Variants in PARD3 observed in about 807,000 individuals in gnomAD.
PARD3 encodes partitioning defective 3 homolog.
PARD3 carries 75 observed loss-of-function variants against 155.4 expected under a neutral mutation model. The ratio of observed to expected loss-of-function variants is 0.48; its 90% CI spans 0.40 to 0.58. PARD3 has a LOEUF of 0.58. Among genes scored for constraint, PARD3 ranks in the 20% least tolerant of loss-of-function variants. The probability of loss-of-function intolerance (pLI) is 0.00; values close to 1 mark genes in which losing one functional copy is unlikely to be tolerated. For missense variants in PARD3, 1,642 were observed against 1,721.7 expected, an observed-to-expected ratio of 0.95 and a Z score of 0.82; for synonymous variants, 576 against 610.5, an observed-to-expected ratio of 0.94 and a Z score of 0.83.
intron 2 of PARD3, among the ~76,000 whole-genome samples, chr10:34,687,195 T>C (rs1010692041): frequency 8.5e-5 from 13 of 152,104 alleles, no homozygotes; most frequent in African/African-American, 3.1e-4. Context: ...AATATCAATA[T>C]AAAATGCCTA....
chr10:34,334,260 A>T (rs1169204377), intron 18 of PARD3, among the ~76,000 whole-genome samples: 1 of 150,892 alleles, frequency 6.6e-6, no homozygotes, highest in East Asian at 1.9e-4. Context: ...CAAGATTCCT[A>T]AATATGGAAA....
chr10:34,516,093 T>C (rs565268491), intron 3 of PARD3, among the ~76,000 whole-genome samples: 2 of 152,150 alleles, frequency 1.3e-5, no homozygotes, highest in East Asian at 1.9e-4. Context: ...GCCTCCCAAG[T>C]AGCTGGGATT....
At chr10:34,520,676 C>T (rs1309281139) in intron 2 of PARD3, among the ~76,000 whole-genome samples, 1 of 152,072 alleles carries the variant, frequency 6.6e-6, no homozygotes, top group Non-Finnish European at 1.5e-5. Flanking sequence ...AAAGAGCACC[C>T]ATAGACAATA....
At chr10:34,270,745 T>C (rs1246641659) in intron 21 of PARD3, among the ~76,000 whole-genome samples, 3 of 152,138 alleles carry the variant, frequency 2.0e-5, no homozygotes, top group Non-Finnish European at 4.4e-5. Context: ...ACTCTGTCAT[T>C]TCATGGGATG....
At chr10:34,261,979 G>A (rs1955051798) in intron 22 of PARD3, among the ~76,000 whole-genome samples, 3 of 152,184 alleles carry the variant, frequency 2.0e-5, no homozygotes, top group Admixed American at 2.0e-4. Flanking sequence ...TGACAGAAAT[G>A]ATAAATTATT....
At chr10:34,623,446 A>T (rs147066996) in intron 2 of PARD3, among the ~76,000 whole-genome samples, 81 of 152,360 alleles carry the variant, frequency 5.3e-4, no homozygotes, top group Non-Finnish European at 1.1e-3. Context: ...AGTTTTAAAT[A>T]ACTTAAATCT....
chr10:34,696,506 C>T lies in PARD3; in HGVS notation c.121-87G>A, dbSNP rs923454851. 9.6e-6 allele frequency: 8 copies of T among 830,584 alleles called. No homozygotes were observed. The East Asian group carries it at 1.7e-4, about 18-fold the overall frequency. 51.5% of individuals were successfully genotyped at this position (830,584 alleles called of 1,614,324 possible). A position where few individuals can be genotyped will look rare whatever the true frequency, so the allele number is the denominator to read the frequency against. On this transcript the variant is annotated intron_variant, in intron 1 of 24. Transcript: ENST00000374788. ...ATTTTAAACCGTGATAACTTCCTGCCCATAAAAAGGAATCAACCTCATATC... is the reference window on the plus strand; with the variant it reads ...ATTTTAAACCGTGATAACTTCCTGCTCATAAAAAGGAATCAACCTCATATC...
chr10:34,123,008 T>C (rs936461235), intron 23 of PARD3, among the ~76,000 whole-genome samples: 2 of 152,222 alleles, frequency 1.3e-5, no homozygotes, highest in African/African-American at 4.8e-5. Context: ...AACACCCACA[T>C]AGGGAAATAC....
chr10:34,560,239 T>C (rs560353846), intron 2 of PARD3, among the ~76,000 whole-genome samples: 1 of 152,344 alleles, frequency 6.6e-6, no homozygotes, highest in African/African-American at 2.4e-5. Flanking sequence ...CAGCTTCTAA[T>C]GTTACTTTAC....
rs573073278 is a variant in PARD3 at position 34,324,490 on chromosome 10, G to A, written c.2833+6627C>T. 3.9e-5 allele frequency among the ~76,000 whole-genome samples: 6 copies of A among 152,208 alleles called. No homozygotes were observed. The East Asian group carries it at 5.8e-4, about 15-fold the overall frequency. ...AGATACACCTCACGAAGTGTGCACC[G>A]CATGGCACAGGCAAGGGTAAGCACG... On this transcript the variant is annotated intron_variant, in intron 19 of 24. Coordinates refer to ENST00000374788, the MANE Select transcript of PARD3 (RefSeq NM_001184785.2).
At chr10:34,350,771 C>T (rs1412122869) in intron 14 of PARD3, among the ~76,000 whole-genome samples, 2 of 152,152 alleles carry the variant, frequency 1.3e-5, no homozygotes, top group Non-Finnish European at 2.9e-5. Context: ...ATACAGTCCC[C>T]TGTAGCAGTG....
chr10:34,257,505 A>G (rs1345688241), intron 22 of PARD3, among the ~76,000 whole-genome samples: 1 of 152,230 alleles, frequency 6.6e-6, no homozygotes, highest in Non-Finnish European at 1.5e-5. Flanking sequence ...AAGAAATCCC[A>G]GGCAGCTCCA....
chr10:34,225,716 T>C (rs1432440170), intron 22 of PARD3, among the ~76,000 whole-genome samples: 1 of 152,166 alleles, frequency 6.6e-6, no homozygotes, highest in African/African-American at 2.4e-5. Flanking sequence ...TCTTACCTCA[T>C]CTCATATACA....
At chr10:34,814,725 C>T (rs1456261691) in intron 1 of PARD3, 151 bp downstream of exon 1, 2 of 634,522 alleles carry the variant, frequency 3.2e-6, no homozygotes, top group Middle Eastern at 4.6e-4. Flanking sequence ...GCCCGCAGTC[C>T]GGGGCGGGGG....
intron 22 of PARD3, among the ~76,000 whole-genome samples, chr10:34,247,524 C>T (rs575386418): frequency 6.6e-6 from 1 of 152,060 alleles, no homozygotes; most frequent in East Asian, 1.9e-4. Context: ...AAACAAAAAA[C>T]ACAAAAACAG....
At chr10:34,583,593 G>C (rs1045600935) in intron 2 of PARD3, among the ~76,000 whole-genome samples, 1 of 151,976 alleles carries the variant, frequency 6.6e-6, no homozygotes, top group South Asian at 2.1e-4. Context: ...CTAAATTGAG[G>C]AAATGAGGCC....
intron 1 of PARD3, among the ~76,000 whole-genome samples, chr10:34,746,362 T>A (rs1835334681): frequency 1.3e-5 from 2 of 151,674 alleles, no homozygotes; most frequent in South Asian, 4.2e-4. Context: ...GGCGGGAGGA[T>A]TGCCTAAGCC....
rs545897117 is a variant in PARD3 at position 34,403,087 on chromosome 10, AAATGTTTTGCT to A, written c.715-1181_715-1171del. Among the ~76,000 whole-genome samples, 4 of 152,334 alleles carry A rather than the reference AAATGTTTTGCT, an allele frequency of 2.6e-5. No homozygotes were observed. The South Asian group carries it at 8.3e-4, about 32-fold the overall frequency. ...CTTTGGCACCTACTAGAAGCTCTGT[AAATGTTTTGCT>A]AATTAAAGTAAAATCATGCCTAGGA... is the stretch of plus-strand genomic sequence containing the variant. On this transcript the variant is annotated intron_variant, in intron 5 of 24. Transcript: ENST00000374788.
At chr10:34,160,995 C>A (rs1564443856) in intron 22 of PARD3, among the ~76,000 whole-genome samples, 1 of 152,076 alleles carries the variant, frequency 6.6e-6, no homozygotes, top group Non-Finnish European at 1.5e-5. Flanking sequence ...GTGGCTCATG[C>A]CTGTAATCCC....
Sources: allele counts gnomAD v4.1 joint callset (sites outside exome capture counted in the v4.1 genomes callset), GRCh38; gene constraint gnomAD v4.1.1; transcripts MANE v1.5; gene names NCBI Gene and HGNC (gene_info 2026-07-23, HGNC 2026-07-21).